The following ARMC2 variants were observed in gnomAD, a reference collection of about 807,000 sequenced individuals.
The protein encoded by ARMC2 is armadillo repeat-containing protein 2.
A neutral mutation model predicts 90.3 loss-of-function variants in ARMC2; 67 were observed. The observed-to-expected ratio is 0.74, with a 90% confidence interval of 0.61 to 0.91. The LOEUF (loss-of-function observed/expected upper bound fraction) is 0.91. Among genes scored for constraint, ARMC2 ranks in the 40% least tolerant of loss-of-function variants. ARMC2 has a pLI of 0.00. For synonymous variants in ARMC2, 393 were observed against 393.0 expected (o/e 1.00, Z 0.00); for missense variants, 920 against 1,030.9 (o/e 0.89, Z 1.47).
intron 4 of ARMC2, among the ~76,000 whole-genome samples, chr6:108,873,403 C>T (rs1776623070): frequency 6.6e-6 from 1 of 152,076 alleles, no homozygotes; most frequent in Non-Finnish European, 1.5e-5. Flanking sequence ...GTGATCCAGC[C>T]CCAGCGTAAC....
At chr6:108,941,055 G>A (rs1776397648) in intron 12 of ARMC2, among the ~76,000 whole-genome samples, 1 of 152,210 alleles carries the variant, frequency 6.6e-6, no homozygotes, top group South Asian at 2.1e-4. Context: ...CCAGGTTGCA[G>A]TGAGCCATTG....
chr6:108,921,223 A>G (rs1414088339), intron 10 of ARMC2, among the ~76,000 whole-genome samples: 2 of 152,230 alleles, frequency 1.3e-5, no homozygotes, highest in African/African-American at 4.8e-5. Context: ...GAATACATAC[A>G]TAGCCACAAC....
the ARMC2 span, among the ~76,000 whole-genome samples, chr6:109,041,546 T>C: frequency 6.6e-6 from 1 of 152,136 alleles, no homozygotes; most frequent in African/African-American, 2.4e-5. Flanking sequence ...AGCAGGAATT[T>C]TTATATTAAT....
the ARMC2 span, among the ~76,000 whole-genome samples, chr6:109,012,505 G>A: frequency 6.6e-6 from 1 of 152,176 alleles, no homozygotes; most frequent in East Asian, 1.9e-4. Context: ...TGTAAAAGCA[G>A]AGTGGTGTCA....
rs573770920 is a variant in ARMC2, at chr6:108,891,024, T to TGTTA, written c.672-3440_672-3439insAGTT. ...TGCAGTGTTTGGTTTTCTGTTCTTGTGTTTGCTGAGAATGATGGTTTCCAG... is the reference window on the plus strand; with the variant it reads ...TGCAGTGTTTGGTTTTCTGTTCTTGTGTTAGTTTGCTGAGAATGATGGTTTCCAG... On this transcript the variant is annotated intron_variant, in intron 5 of 17. Transcript: ENST00000392644. Among the ~76,000 whole-genome samples, 633 of 151,692 alleles carry TGTTA rather than the reference T, an allele frequency of 4.2e-3. 3 individuals carry two copies. Among genetic ancestry groups the TGTTA allele is most frequent in the African/African-American group, 0.014 (593 of 41,382 alleles).
intron 10 of ARMC2, among the ~76,000 whole-genome samples, chr6:108,921,384 C>T (rs529798876): frequency 2.0e-5 from 3 of 152,322 alleles, no homozygotes; most frequent in East Asian, 3.9e-4. Flanking sequence ...CCTGCTAAGT[C>T]GGACACCCAT....
At chr6:108,854,626 G>A (rs986885324) in intron 2 of ARMC2, 141 bp downstream of exon 2, 68 of 793,468 alleles carry the variant, frequency 8.6e-5, no homozygotes, top group Non-Finnish European at 1.2e-4. Flanking sequence ...TTGAGTGGAA[G>A]GTACAGAGAT....
chr6:108,854,032 G>A (rs929451291), intron 1 of ARMC2, among the ~76,000 whole-genome samples, 193 bp from the exon 2 acceptor site: 1 of 151,956 alleles, frequency 6.6e-6, no homozygotes. Flanking sequence ...TTTGTCCTCA[G>A]TTGTATATTT....
intron 17 of ARMC2, among the ~76,000 whole-genome samples, 155 bp from the exon 18 acceptor site, chr6:108,973,202 G>T (rs1277701546): frequency 1.3e-5 from 2 of 152,128 alleles, no homozygotes; most frequent in Non-Finnish European, 2.9e-5. Flanking sequence ...ATAAAGAACA[G>T]AAGAGAGTAA....
the ARMC2 span, chr6:108,988,479 T>A: frequency 7.1e-7 from 1 of 1,403,082 alleles, no homozygotes; most frequent in Admixed American, 2.2e-5. Flanking sequence ...ACCATTAGGT[T>A]AGGTGAAGGA....
the ARMC2 span, among the ~76,000 whole-genome samples, chr6:109,019,233 A>T: frequency 6.6e-6 from 1 of 152,108 alleles, no homozygotes; most frequent in African/African-American, 2.4e-5. Flanking sequence ...ACCCCTCATG[A>T]TCTGTATCCT....
intron 5 of ARMC2, among the ~76,000 whole-genome samples, chr6:108,893,719 T>G (rs990060380): frequency 6.6e-6 from 1 of 152,238 alleles, no homozygotes; most frequent in Non-Finnish European, 1.5e-5. Context: ...AAAGGTAAAT[T>G]AAAGCAGCAT....
the ARMC2 span, chr6:108,990,808 A>C: frequency 8.7e-6 from 14 of 1,614,032 alleles, no homozygotes; most frequent in South Asian, 1.5e-4. Context: ...TTTACCAAAG[A>C]ATAACCATGA....
Position 108,912,467 on chromosome 6 carries a change from T to G in ARMC2, c.1259T>G (p.Val420Gly). Residue 420 changes from valine to glycine, a missense_variant, in exon 10 of 18, where the codon GTG becomes GGG. Coordinates refer to ENST00000392644, the MANE Select transcript of ARMC2 (RefSeq NM_032131.6). Reference sequence around the variant, plus strand: ...AATGAAATGATCAGCAAAGGTGCTGTGGAAATACTGATAAATTTGATAAAA... The same window carrying G: ...AATGAAATGATCAGCAAAGGTGCTGGGGAAATACTGATAAATTTGATAAAA... ...FLNEMISKGA[V>G]EILINLIKQI... The G allele has an allele frequency of 1.9e-6, 3 of 1,613,960 alleles. No homozygotes were observed. The highest frequency in any genetic ancestry group is 2.5e-6 in the Non-Finnish European group (3 of 1,179,838).
the ARMC2 span, chr6:109,009,547 A>G: frequency 2.0e-6 from 2 of 1,014,548 alleles, no homozygotes; most frequent in Non-Finnish European, 2.3e-6. Flanking sequence ...CTCAGTCAGC[A>G]CGGACGGCGG....
chr6:108,867,295 CAGATT>C (rs1036028325), intron 3 of ARMC2, among the ~76,000 whole-genome samples: 2 of 152,072 alleles, frequency 1.3e-5, no homozygotes, highest in Non-Finnish European at 2.9e-5. Context: ...GGAGGCCACT[CAGATT>C]AGAGGGAGTT....
At chr6:109,006,179 T>C in the ARMC2 span, among the ~76,000 whole-genome samples, 3 of 152,290 alleles carry the variant, frequency 2.0e-5, no homozygotes, top group Non-Finnish European at 4.4e-5. Flanking sequence ...GAAAGAGTAT[T>C]TGGTGTTCTA....
the ARMC2 span, chr6:108,987,371 A>C: frequency 2.0e-6 from 1 of 509,834 alleles, no homozygotes; most frequent in Non-Finnish European, 3.5e-6. Flanking sequence ...CCAAACAGTC[A>C]CTGCTTGTGC....
intron 5 of ARMC2, among the ~76,000 whole-genome samples, chr6:108,887,646 T>G (rs1770495898): frequency 6.6e-6 from 1 of 152,204 alleles, no homozygotes; most frequent in Admixed American, 6.5e-5. Flanking sequence ...TTTAAATCCA[T>G]TGAAATTAGG....
Sources: allele counts gnomAD v4.1 joint callset (sites outside exome capture counted in the v4.1 genomes callset), GRCh38; gene constraint gnomAD v4.1.1; transcripts MANE v1.5; gene names NCBI Gene and HGNC (gene_info 2026-07-23, HGNC 2026-07-21).